The following DERA variants were observed in gnomAD, a reference collection of about 807,000 sequenced individuals.
DERA encodes the protein deoxyribose-phosphate aldolase.
In DERA, 15 loss-of-function variants were observed where a neutral mutation model predicts 41.1. That is an observed-to-expected ratio of 0.37 (90% confidence interval 0.24 to 0.56). The LOEUF (loss-of-function observed/expected upper bound fraction) is 0.56, where lower values mean the gene tolerates loss of function less well. Ranked by LOEUF, DERA falls within the 20% of genes least tolerant of loss-of-function variation. The pLI, the probability that DERA is intolerant of heterozygous loss-of-function variation, is 0.81. For missense variants in DERA, 396 were observed against 403.4 expected (o/e 0.98, Z 0.16); for synonymous variants, 139 against 137.4 (o/e 1.01, Z -0.08).
At chr12:15,930,669 C>T (rs577292301) in intron 1 of DERA, among the ~76,000 whole-genome samples, 2 of 152,156 alleles carry the variant, frequency 1.3e-5, no homozygotes, top group African/African-American at 2.4e-5. Flanking sequence ...TTATAATTCT[C>T]AGTAGGTCAT....
intron 4 of DERA, among the ~76,000 whole-genome samples, chr12:15,961,194 T>C (rs565151152): frequency 7.7e-4 from 117 of 152,220 alleles, no homozygotes; most frequent in Non-Finnish European, 2.2e-4. Flanking sequence ...ACCTAGAAGA[T>C]AAAGGAGAGA....
At chr12:15,947,014 G>T (rs1033584675) in intron 1 of DERA, among the ~76,000 whole-genome samples, 2 of 152,148 alleles carry the variant, frequency 1.3e-5, no homozygotes, top group Non-Finnish European at 1.5e-5. Flanking sequence ...AGGTTGTTCA[G>T]TTTCCATGTA....
chr12:15,965,786 G>A lies in DERA; in HGVS notation c.508+2839G>A, dbSNP rs565335750. 7.5e-4 allele frequency among the ~76,000 whole-genome samples: 114 copies of A among 152,232 alleles called. No individual in the cohort carries two copies. The highest frequency in any genetic ancestry group is 2.6e-3 in the African/African-American group (110 of 41,538). ...GAGAAAATAAAATCATCAGACAGGA[G>A]CTCCCTCCAGGTCCTTGCATCAGGG... On this transcript the variant is annotated intron_variant, in intron 5 of 8. Coordinates refer to ENST00000428559, the MANE Select transcript of DERA (RefSeq NM_015954.4). This position sits in a 1 kb window ranked among gnomAD's most constrained non-coding sequence, Gnocchi z 4.1.
At chr12:15,953,289 A>G (rs1388524923) in intron 1 of DERA, among the ~76,000 whole-genome samples, 1 of 152,216 alleles carries the variant, frequency 6.6e-6, no homozygotes, top group Non-Finnish European at 1.5e-5. Flanking sequence ...ATCAAAATAG[A>G]AAAAGCGCCT....
At chr12:15,953,236 G>C (rs764751201) in intron 1 of DERA, among the ~76,000 whole-genome samples, 2 of 152,186 alleles carry the variant, frequency 1.3e-5, no homozygotes, top group Non-Finnish European at 2.9e-5. Context: ...TATCCAGCCA[G>C]TGTGGTAAGT....
intron 1 of DERA, among the ~76,000 whole-genome samples, chr12:15,917,874 A>T (rs1226688058): frequency 6.6e-6 from 1 of 152,200 alleles, no homozygotes; most frequent in East Asian, 1.9e-4. Context: ...AGAAGCCAAG[A>T]TCTGAGCACT....
intron 1 of DERA, among the ~76,000 whole-genome samples, chr12:15,932,843 CCCAGTCGTCTCTCT>C (rs1948339155): frequency 6.6e-6 from 1 of 151,838 alleles, no homozygotes; most frequent in African/African-American, 2.4e-5. Context: ...CCAACATCTC[CCCAGTCGTCTCTCT>C]CCAGCCTCTG....
rs181436140 is a variant in DERA at position 15,968,290 on chromosome 12, G to A, written c.508+5343G>A. 6.0e-4 allele frequency among the ~76,000 whole-genome samples: 91 copies of A among 152,194 alleles called. 1 individual carries two copies. Among genetic ancestry groups the A allele is most frequent in the Admixed American group, 5.3e-3 (81 of 15,288 alleles). Reference sequence around the variant, plus strand: ...TGTATTTCCTGTATGTTTCTATGCCGTTAGCCTGGATCTGTAGTTAGTTGT... The same window carrying A: ...TGTATTTCCTGTATGTTTCTATGCCATTAGCCTGGATCTGTAGTTAGTTGT... On this transcript the variant is annotated intron_variant, in intron 5 of 8. Transcript: ENST00000428559.
chr12:15,962,487 T>C (rs1592021641), intron 4 of DERA, among the ~76,000 whole-genome samples: 1 of 152,260 alleles, frequency 6.6e-6, no homozygotes, highest in East Asian at 1.9e-4. Context: ...TACTATTTTA[T>C]GGCTATCACT....
chr12:15,939,988 A>G (rs1287470560), intron 1 of DERA, among the ~76,000 whole-genome samples: 1 of 152,238 alleles, frequency 6.6e-6, no homozygotes, highest in African/African-American at 2.4e-5. Context: ...TGTCTGTCAC[A>G]AAGAGATCCA....
In DERA at chr12:15,972,117, C is replaced by A; in HGVS notation, c.508+9170C>A. The A allele has an allele frequency of 5.9e-6, 1 of 169,120 alleles. No homozygotes were observed. 10.5% of individuals were successfully genotyped at this position (169,120 alleles called of 1,614,324 possible). A position where few individuals can be genotyped will look rare whatever the true frequency, so the allele number is the denominator to read the frequency against. ...CTCCTCTGAAAATAGCCATAGGATC[C>A]CACCGTGTAGCCTGGTATCCCAGTT... On this transcript the variant is annotated intron_variant, in intron 5 of 8. Coordinates refer to ENST00000428559, the MANE Select transcript of DERA (RefSeq NM_015954.4). This position sits in a 1 kb window ranked among gnomAD's most constrained non-coding sequence, Gnocchi z 4.4.
rs1948839775 is a variant in DERA at position 15,996,616 on chromosome 12, T to G, written c.637+14180T>G. On this transcript the variant is annotated intron_variant, in intron 6 of 8. Transcript: ENST00000428559. The surrounding 1 kb of genome is among the most constrained non-coding windows in gnomAD (Gnocchi z 4.7). The stretch of plus-strand genomic sequence containing the variant: ...TTATCTTAACTAATGACATCTTCAG[T>G]GGCCCTCTTTCCAAATAAGGTCTCT... Among the ~76,000 whole-genome samples the G allele has an allele frequency of 6.6e-6, 1 of 152,202 alleles. No homozygotes were observed. The highest frequency in any genetic ancestry group is 1.5e-5 in the Non-Finnish European group (1 of 68,032).
At position 15,918,335 on chromosome 12, in the gene DERA, C is replaced by T. The variant is rs568504656; in HGVS notation, c.31+6921C>T. Reference sequence around the variant, plus strand: ...GTGGATACCCTCCTTACCCTGCTTGCGCTTCCACTCCCTATGTCTTGCTCC... The same window carrying T: ...GTGGATACCCTCCTTACCCTGCTTGTGCTTCCACTCCCTATGTCTTGCTCC... On this transcript the variant is annotated intron_variant, in intron 1 of 8. Transcript: ENST00000428559. The surrounding 1 kb of genome is among the most constrained non-coding windows in gnomAD (Gnocchi z 4.3). Among the ~76,000 whole-genome samples, 5 of 152,136 alleles carry T rather than the reference C, an allele frequency of 3.3e-5. No individual in the cohort carries two copies. Among genetic ancestry groups the T allele is most frequent in the African/African-American group, 9.7e-5 (4 of 41,428 alleles).
intron 4 of DERA, 77 bp downstream of exon 4, chr12:15,960,001 G>T: frequency 1.9e-6 from 2 of 1,030,312 alleles, no homozygotes; most frequent in South Asian, 3.4e-5. Flanking sequence ...ATTATATGTA[G>T]GTTTGTACTA....
rs927363373 is a variant in DERA at position 15,938,951 on chromosome 12, C to T, written c.32-17985C>T. 2.0e-4 allele frequency among the ~76,000 whole-genome samples: 31 copies of T among 152,184 alleles called. No individual in the cohort carries two copies. The highest frequency in any genetic ancestry group is 6.5e-4 in the African/African-American group (27 of 41,438). On this transcript the variant is annotated intron_variant, in intron 1 of 8. Transcript: ENST00000428559. The surrounding 1 kb of genome is among the most constrained non-coding windows in gnomAD (Gnocchi z 4.1). ...GTAGCTAGTCTCCAGAGATGGACCA[C>T]GTCTCTGGTATTGATGCCTTTGTGT... is the stretch of plus-strand genomic sequence containing the variant.
Position 15,996,157 on chromosome 12 carries a change from A to ATGTGTGTG in DERA, c.637+13749_637+13756dup, listed in dbSNP as rs34468299. Among the ~76,000 whole-genome samples the ATGTGTGTG allele has an allele frequency of 6.8e-4, 99 of 145,140 alleles. No individual in the cohort carries two copies. Among genetic ancestry groups the ATGTGTGTG allele is most frequent in the Non-Finnish European group, 1.1e-3 (73 of 65,590 alleles). On this transcript the variant is annotated intron_variant, in intron 6 of 8. Transcript: ENST00000428559. This position sits in a 1 kb window ranked among gnomAD's most constrained non-coding sequence, Gnocchi z 4.7. ...GCAGACACAGACACACACACAGAGCATGTGTGTGTGTGTGTGTGTGTGTGT... is the reference window on the plus strand; with the variant it reads ...GCAGACACAGACACACACACAGAGCATGTGTGTGTGTGTGTGTGTGTGTGTGTGTGTGT...
intron 6 of DERA, among the ~76,000 whole-genome samples, chr12:15,991,651 ATGTC>A (rs1948802800): frequency 4.6e-5 from 7 of 152,146 alleles, no homozygotes; most frequent in Non-Finnish European, 1.0e-4. Context: ...TACAACAACA[ATGTC>A]ATAATAGCTC....
intron 5 of DERA, among the ~76,000 whole-genome samples, chr12:15,978,015 T>C (rs976723029): frequency 6.6e-6 from 1 of 152,220 alleles, no homozygotes; most frequent in Non-Finnish European, 1.5e-5. Context: ...TACCCCACCA[T>C]TGTCCTTTCC....
At chr12:15,973,087 T>C (rs916455793) in intron 5 of DERA, among the ~76,000 whole-genome samples, 2 of 152,086 alleles carry the variant, frequency 1.3e-5, no homozygotes, top group African/African-American at 4.8e-5. Context: ...GTTTTTCAGC[T>C]GGGAACGACA....
Sources: allele counts gnomAD v4.1 joint callset (sites outside exome capture counted in the v4.1 genomes callset), GRCh38; gene constraint gnomAD v4.1.1; non-coding constraint Gnocchi (gnomAD v3.1); transcripts MANE v1.5; gene names NCBI Gene and HGNC (gene_info 2026-07-23, HGNC 2026-07-21).